The following PCDHGB4 variants were observed in gnomAD, a reference collection of about 807,000 sequenced individuals.
PCDHGB4 encodes protocadherin gamma subfamily B, 4, also known as protocadherin gamma-B4.
PCDHGB4 carries 38 observed loss-of-function variants against 60.5 expected under a neutral mutation model. The ratio of observed to expected loss-of-function variants is 0.63; its 90% CI spans 0.48 to 0.82. The LOEUF is 0.82. Ranked by LOEUF, PCDHGB4 falls within the 40% of genes least tolerant of loss-of-function variation. The pLI, the probability that PCDHGB4 is intolerant of heterozygous loss-of-function variation, is 0.00. For synonymous variants in PCDHGB4, 456 were observed against 509.7 expected (o/e 0.89, Z 1.42); for missense variants, 1,109 against 1,209.6 (o/e 0.92, Z 1.23).
In PCDHGB4 at chr5:141,402,724, G is replaced by A. The variant is rs558797465; in HGVS notation, c.2397+12443G>A. Among the ~76,000 whole-genome samples, 7 of 152,276 alleles carry A rather than the reference G, an allele frequency of 4.6e-5. No individual in the cohort carries two copies. The South Asian group carries it at 1.5e-3, about 32-fold the overall frequency. On this transcript the variant is annotated intron_variant, in intron 1 of 3. Transcript: ENST00000519479. Reference sequence around the variant, plus strand: ...GGGTGTAGTAACGGCTTAGGACTCTGAGCGCCGCTGTTGATCAACTCTAAG... The same window carrying A: ...GGGTGTAGTAACGGCTTAGGACTCTAAGCGCCGCTGTTGATCAACTCTAAG...
At chr5:141,399,821 C>T in intron 1 of PCDHGB4, 1 of 1,613,210 alleles carries the variant, frequency 6.2e-7, no homozygotes, top group Non-Finnish European at 8.5e-7. Flanking sequence ...GCGCTGGGTC[C>T]CGACGGCTCT....
intron 1 of PCDHGB4, chr5:141,418,422 G>A: frequency 6.2e-7 from 1 of 1,613,996 alleles, no homozygotes; most frequent in East Asian, 2.2e-5. Context: ...AATCCTGATG[G>A]TGGCAAATAT....
At chr5:141,399,398 G>T (rs1374441258) in intron 1 of PCDHGB4, 4 of 1,613,854 alleles carry the variant, frequency 2.5e-6, no homozygotes, top group Non-Finnish European at 3.4e-6. Flanking sequence ...ACAGACAGGG[G>T]CAAGCCGCCC....
intron 1 of PCDHGB4, among the ~76,000 whole-genome samples, chr5:141,457,046 T>A (rs2098905373): frequency 6.6e-6 from 1 of 152,198 alleles, no homozygotes; most frequent in South Asian, 2.1e-4. Flanking sequence ...ATAGTAAAAC[T>A]TTCATGCTTC....
In PCDHGB4 at chr5:141,432,733, C is replaced by T; in HGVS notation, c.2397+42452C>T. 1 of 1,614,094 alleles carries T rather than the reference C, an allele frequency of 6.2e-7. No individual in the cohort carries two copies. Among genetic ancestry groups the T allele is most frequent in the Middle Eastern group, 1.6e-4 (1 of 6,062 alleles). ...GCCAGCCCCCTCTCTCCGCCACTGTCACGCTCACCGTGGCCGTGGCCGACA... is the reference window on the plus strand; with the variant it reads ...GCCAGCCCCCTCTCTCCGCCACTGTTACGCTCACCGTGGCCGTGGCCGACA... On this transcript the variant is annotated intron_variant, in intron 1 of 3. Coordinates refer to ENST00000519479, the MANE Select transcript of PCDHGB4 (RefSeq NM_003736.4). The surrounding 1 kb of genome is among the most constrained non-coding windows in gnomAD (Gnocchi z 6.0).
chr5:141,478,623 G>A, intron 1 of PCDHGB4: 2 of 1,554,358 alleles, frequency 1.3e-6, no homozygotes, highest in Non-Finnish European at 1.7e-6. Flanking sequence ...GAATGGAGCT[G>A]TTTTTTTAGT....
chr5:141,394,891 TCGTGGTGGCAGTGG>T (rs1346277751), intron 1 of PCDHGB4: 11 of 1,613,892 alleles, frequency 6.8e-6, no homozygotes, highest in Non-Finnish European at 9.3e-6. Flanking sequence ...ACACTCTATC[TCGTGGTGGCAGTGG>T]CTGCCATCTC....
intron 1 of PCDHGB4, among the ~76,000 whole-genome samples, chr5:141,471,120 C>T (rs560582806): frequency 6.7e-6 from 1 of 149,470 alleles, no homozygotes; most frequent in South Asian, 2.1e-4. Context: ...GCGATCTTAC[C>T]TTCACTGCAA....
At position 141,511,246 on chromosome 5, in the gene PCDHGB4, G is replaced by A; in HGVS notation, c.*73G>A. 2 of 1,578,734 alleles carry A rather than the reference G, an allele frequency of 1.3e-6. No homozygotes were observed. Among genetic ancestry groups the A allele is most frequent in the Non-Finnish European group, 1.7e-6 (2 of 1,162,472 alleles). On this transcript the variant is annotated 3_prime_UTR_variant, in exon 4 of 4. Coordinates refer to ENST00000519479, the MANE Select transcript of PCDHGB4 (RefSeq NM_003736.4). The stretch of plus-strand genomic sequence containing the variant: ...CCAGCTTCTCCTTACCTGCACCCAG[G>A]CCTCAGAGTTTCAGGGCTAACCCCC...
At chr5:141,395,538 T>C (rs1459118809) in intron 1 of PCDHGB4, 1 of 225,772 alleles carries the variant, frequency 4.4e-6, no homozygotes, top group Non-Finnish European at 7.1e-6. Context: ...AATTTTGCTA[T>C]TGTTTGTGTG....
chr5:141,502,179 A>G (rs1403845758), intron 2 of PCDHGB4, among the ~76,000 whole-genome samples: 2 of 152,218 alleles, frequency 1.3e-5, no homozygotes, highest in Non-Finnish European at 2.9e-5. Context: ...GGAATTTAAC[A>G]TTAATACAAT....
At position 141,511,247 on chromosome 5, in the gene PCDHGB4, C is replaced by A; in HGVS notation, c.*74C>A. The A allele has an allele frequency of 1.3e-6, 2 of 1,577,162 alleles. No individual in the cohort carries two copies. The highest frequency in any genetic ancestry group is 1.7e-6 in the Non-Finnish European group (2 of 1,161,712). On this transcript the variant is annotated 3_prime_UTR_variant, in exon 4 of 4. Transcript: ENST00000519479. Reference sequence around the variant, plus strand: ...CAGCTTCTCCTTACCTGCACCCAGGCCTCAGAGTTTCAGGGCTAACCCCCA... The same window carrying A: ...CAGCTTCTCCTTACCTGCACCCAGGACTCAGAGTTTCAGGGCTAACCCCCA...
Position 141,431,215 on chromosome 5 carries a change from C to T in PCDHGB4, c.2397+40934C>T, listed in dbSNP as rs1225114172. On this transcript the variant is annotated intron_variant, in intron 1 of 3. Transcript: ENST00000519479. The surrounding 1 kb of genome is among the most constrained non-coding windows in gnomAD (Gnocchi z 4.8). ...AAAATGCAGCCACTGAGATGCGGTT[C>T]CCTCTACCCCACGCCTGGGATCCGG... is the stretch of plus-strand genomic sequence containing the variant. 2.5e-6 allele frequency: 4 copies of T among 1,614,066 alleles called. No homozygotes were observed. The highest frequency in any genetic ancestry group is 1.3e-5 in the African/African-American group (1 of 74,942).
chr5:141,421,562 A>G (rs1326874908), intron 1 of PCDHGB4: 1 of 1,613,992 alleles, frequency 6.2e-7, no homozygotes, highest in South Asian at 1.1e-5. Context: ...CTTCTCGTGG[A>G]AGACACCTTG....
intron 3 of PCDHGB4, 61 bp downstream of exon 3, chr5:141,505,542 A>G (rs2099846540): frequency 6.2e-7 from 1 of 1,604,832 alleles, no homozygotes; most frequent in African/African-American, 1.3e-5. Context: ...GGTGCATCTC[A>G]CAGCCACCAT....
intron 1 of PCDHGB4, chr5:141,414,096 A>G (rs2095708665): frequency 1.9e-6 from 3 of 1,595,210 alleles, no homozygotes; most frequent in Middle Eastern, 3.3e-4. Context: ...AAATAAAAAT[A>G]TCAGAAAATC....
chr5:141,472,980 C>CAAAAAAAAAAAAAAAAGAAAAAAAAA (rs2099308501), intron 1 of PCDHGB4, among the ~76,000 whole-genome samples: 1 of 86,106 alleles, frequency 1.2e-5, no homozygotes, highest in Non-Finnish European at 2.5e-5. Context: ...GAGTGAAACT[C>CAAAAAAAAAAAAAAAAGAAAAAAAAA]AAAAAAAAAA....
At chr5:141,408,990 A>T (rs1554103244) in intron 1 of PCDHGB4, 1 of 1,613,984 alleles carries the variant, frequency 6.2e-7, no homozygotes, top group South Asian at 1.1e-5. Flanking sequence ...CCTGTGTTGC[A>T]AGTGACAGCC....
chr5:141,422,909 C>T (rs1260941191), intron 1 of PCDHGB4: 1 of 1,614,252 alleles, frequency 6.2e-7, no homozygotes, highest in East Asian at 2.2e-5. Flanking sequence ...GACAATGCGC[C>T]CGAGATCCTG....
Sources: allele counts gnomAD v4.1 joint callset (sites outside exome capture counted in the v4.1 genomes callset), GRCh38; gene constraint gnomAD v4.1.1; non-coding constraint Gnocchi (gnomAD v3.1); transcripts MANE v1.5; gene names NCBI Gene and HGNC (gene_info 2026-07-23, HGNC 2026-07-21).